CATSPERZ: variants seen among roughly 807,000 people sequenced by gnomAD.
CATSPERZ encodes the protein catsper channel auxiliary subunit zeta.
CATSPERZ carries 21 observed loss-of-function variants against 21.7 expected under a neutral mutation model. That is an observed-to-expected ratio of 0.97 (90% CI 0.69 to 1.39). The LOEUF (loss-of-function observed/expected upper bound fraction) is 1.39, where lower values mean the gene tolerates loss of function less well. Ranked by LOEUF, CATSPERZ falls within the 40% of genes most tolerant of loss-of-function variation. The probability of loss-of-function intolerance (pLI) is 0.00; values close to 1 mark genes in which losing one functional copy is unlikely to be tolerated. For synonymous variants in CATSPERZ, 127 were observed against 108.7 expected, an observed-to-expected ratio of 1.17 and a Z score of -1.05; for missense variants, 234 against 259.5, an observed-to-expected ratio of 0.90 and a Z score of 0.68.
rs1383083836 is a variant in CATSPERZ, at chr11:64,304,594, G to T, written c.551G>T (p.Arg184Leu). 5.0e-6 allele frequency: 8 copies of T among 1,587,850 alleles called. No individual in the cohort carries two copies. In the Admixed American group the frequency reaches 1.1e-4, roughly 21 times the overall value. ...RDHFLTKELQ[R>L]YIEGLKKRRS... ...CACTTCCTGACTAAGGAGCTGCAGC[G>T]ATACATCGAAGGGCTCAAGAAGCGC... Residue 184 changes from arginine (R) to leucine (L), a missense_variant, in exon 5 of 5, where the codon CGA (arginine) becomes CTA (leucine). Transcript: ENST00000328404.
chr11:64,303,030 G>C (rs1307351059), intron 2 of CATSPERZ, among the ~76,000 whole-genome samples: 1 of 151,568 alleles, frequency 6.6e-6, no homozygotes, highest in Non-Finnish European at 1.5e-5. Context: ...CTCCCGAGTA[G>C]CTGGGATTAC....
chr11:64,302,253 T>A (rs902975213), intron 2 of CATSPERZ, among the ~76,000 whole-genome samples: 35 of 152,320 alleles, frequency 2.3e-4, no homozygotes, highest in African/African-American at 6.0e-4. Flanking sequence ...ACAACCTCCA[T>A]AAAGAGCTAT....
intron 1 of CATSPERZ, 21 bp from the exon 2 acceptor site, chr11:64,300,636 C>G: frequency 1.3e-6 from 2 of 1,523,148 alleles, no homozygotes; most frequent in Non-Finnish European, 1.8e-6. Flanking sequence ...CCTTGGCTCC[C>G]TCCTTGTATG....
intron 2 of CATSPERZ, among the ~76,000 whole-genome samples, chr11:64,302,282 T>C (rs1031152608): frequency 6.6e-6 from 1 of 152,188 alleles, no homozygotes; most frequent in Admixed American, 6.5e-5. Context: ...TATTTATTTA[T>C]TTTTATTATA....
intron 4 of CATSPERZ, 87 bp from the exon 5 acceptor site, chr11:64,304,456 G>A (rs2034982582): frequency 9.1e-6 from 9 of 988,508 alleles, no homozygotes; most frequent in Non-Finnish European, 1.2e-5. Context: ...ATCATCTGCG[G>A]TTCCTCGAAT....
intron 4 of CATSPERZ, 88 bp downstream of exon 4, chr11:64,303,927 G>T: frequency 7.5e-7 from 1 of 1,335,222 alleles, no homozygotes; most frequent in Non-Finnish European, 1.0e-6. Flanking sequence ...GGGTTTCAGG[G>T]TGCCTTATGT....
rs375055136 is a variant in CATSPERZ, at chr11:64,300,682, A to G, written c.47A>G (p.Gln16Arg). ...SKVSLKSSDR[Q>R]GSDEESVHSD... ...GTGTCGCTCAAGTCTTCCGACCGCC[A>G]AGGCTCGGACGAGGAGAGCGTGCAT... Residue 16 changes from glutamine to arginine, a missense_variant, in exon 2 of 5, where the codon CAA (glutamine) becomes CGA (arginine). Transcript: ENST00000328404. 7.1e-6 allele frequency: 11 copies of G among 1,540,144 alleles called. No individual in the cohort carries two copies. The African/African-American group carries it at 9.6e-5, about 13-fold the overall frequency.
Position 64,303,466 on chromosome 11 carries a change from T to G in CATSPERZ, c.353-16T>G. ...AGGAGTCTGCGGATGACTAACCCTT[T>G]TTTCTCTTCTCCCAGAAAAGTCTTC... On this transcript the variant is annotated splice_polypyrimidine_tract_variant and intron_variant, in intron 2 of 4. Coordinates refer to ENST00000328404, the MANE Select transcript of CATSPERZ (RefSeq NM_001039496.2). 1 of 1,608,372 alleles carries G rather than the reference T, an allele frequency of 6.2e-7. No individual in the cohort carries two copies. Among genetic ancestry groups the G allele is most frequent in the South Asian group, 1.1e-5 (1 of 90,132 alleles).
intron 1 of CATSPERZ, 34 bp downstream of exon 1, chr11:64,300,465 G>C (rs1351280547): frequency 2.6e-6 from 4 of 1,553,906 alleles, no homozygotes; most frequent in Admixed American, 1.7e-5. Context: ...TACCCTGTCC[G>C]CTCCAACCCA....
Position 64,300,487 on chromosome 11 carries a change from A to C in CATSPERZ, c.21+56A>C. On this transcript the variant is annotated intron_variant, in intron 1 of 4. Transcript: ENST00000328404. ...TCCGCTCCAACCCACCCTTGGTCCG[A>C]CTCGGGCCCCTGGCGCTATTTCTTA... 3 of 1,569,792 alleles carry C rather than the reference A, an allele frequency of 1.9e-6. No homozygotes were observed. The South Asian group carries it at 3.4e-5, about 18-fold the overall frequency.
At chr11:64,304,010 C>G (rs188230000) in intron 4 of CATSPERZ, among the ~76,000 whole-genome samples, 171 bp downstream of exon 4, 1 of 152,284 alleles carries the variant, frequency 6.6e-6, no homozygotes, top group East Asian at 1.9e-4. Context: ...GGACTGGGCA[C>G]AGGAAGACCC....
At chr11:64,302,473 C>T (rs1183603213) in intron 2 of CATSPERZ, among the ~76,000 whole-genome samples, 1 of 151,810 alleles carries the variant, frequency 6.6e-6, no homozygotes, top group East Asian at 1.9e-4. Flanking sequence ...GTAGAGACAG[C>T]GTTTCACCTT....
rs1426580279 is a variant in CATSPERZ, at chr11:64,303,952, T to C, written c.499+113T>C. 2.9e-6 allele frequency: 3 copies of C among 1,047,110 alleles called. No individual in the cohort carries two copies. The Admixed American group carries it at 7.7e-5, about 27-fold the overall frequency. The allele number at this position is 1,047,110 out of a possible 1,614,324, so 64.9% of individuals were successfully genotyped here. A position where few individuals can be genotyped will look rare whatever the true frequency, so the allele number is the denominator to read the frequency against. On this transcript the variant is annotated intron_variant, in intron 4 of 4. Coordinates refer to ENST00000328404, the MANE Select transcript of CATSPERZ (RefSeq NM_001039496.2). Reference sequence around the variant, plus strand: ...GTGCCTTATGTCTTGTCAGATGCCCTTGGCACTCACAAGTATTCCAAGGGC... The same window carrying C: ...GTGCCTTATGTCTTGTCAGATGCCCCTGGCACTCACAAGTATTCCAAGGGC...
rs1395258129 is a variant in CATSPERZ at position 64,303,543 on chromosome 11, G to C, written c.414G>C (p.Trp138Cys). The C allele has an allele frequency of 1.2e-6, 2 of 1,613,310 alleles. No homozygotes were observed. The highest frequency in any genetic ancestry group is 2.2e-5 in the East Asian group (1 of 44,888). Residue 138 changes from tryptophan to cysteine, a missense_variant, in exon 3 of 5, where the codon TGG becomes TGC. Coordinates refer to ENST00000328404, the MANE Select transcript of CATSPERZ (RefSeq NM_001039496.2). ...IAKHMPHRAY[W>C]AEQQSRLPLP... ...AGCACATGCCCCATCGAGCCTACTGGGCAGAGCAGCAGAGCAGGGTTGGAG... is the reference window on the plus strand; with the variant it reads ...AGCACATGCCCCATCGAGCCTACTGCGCAGAGCAGCAGAGCAGGGTTGGAG...
intron 2 of CATSPERZ, among the ~76,000 whole-genome samples, chr11:64,302,887 TTTTTTTTTTTTTTTTTTTTAG>T (rs1293868465): frequency 0.11 from 521 of 4,646 alleles, 3 homozygotes; most frequent in Middle Eastern, 0.25. Context: ...AGAGCTGTTC[TTTTTTTTTTTTTTTTTTTTAG>T]TTTTTTTTTG....
chr11:64,301,934 G>T (rs958580929), intron 2 of CATSPERZ, among the ~76,000 whole-genome samples: 1 of 152,192 alleles, frequency 6.6e-6, no homozygotes, highest in Non-Finnish European at 1.5e-5. Flanking sequence ...GCTTCCCAAA[G>T]TATTGGGATT....
At chr11:64,303,324 G>A (rs1255587616) in intron 2 of CATSPERZ, among the ~76,000 whole-genome samples, 158 bp from the exon 3 acceptor site, 1 of 152,180 alleles carries the variant, frequency 6.6e-6, no homozygotes, top group Admixed American at 6.5e-5. Context: ...GGGCTCTAAA[G>A]CCCAGGGTTG....
At chr11:64,302,399 G>C (rs1264473879) in intron 2 of CATSPERZ, among the ~76,000 whole-genome samples, 1 of 152,106 alleles carries the variant, frequency 6.6e-6, no homozygotes, top group African/African-American at 2.4e-5. Flanking sequence ...TCCTGCCTCA[G>C]CCTCTGGAGT....
intron 4 of CATSPERZ, 115 bp from the exon 5 acceptor site, chr11:64,304,428 G>C (rs767105190): frequency 4.5e-5 from 33 of 738,858 alleles, no homozygotes; most frequent in Non-Finnish European, 6.7e-5. Context: ...TGAGTGCCCT[G>C]CGCTACTGCT....
Sources: gnomAD v4.1 joint callset for allele counts (sites outside exome capture counted in the v4.1 genomes callset) on GRCh38, gnomAD v4.1.1 for gene constraint, MANE v1.5 for transcripts, NCBI Gene and HGNC (gene_info 2026-07-23, HGNC 2026-07-21) for gene names.